Variants in AGMO observed in about 807,000 individuals in gnomAD.
The protein encoded by AGMO is glyceryl-ether monooxygenase.
A neutral mutation model predicts 60.2 loss-of-function variants in AGMO; 75 were observed. The ratio of observed to expected loss-of-function variants is 1.25; its 90% CI spans 1.03 to 1.51. The LOEUF (loss-of-function observed/expected upper bound fraction) is 1.51, where lower values mean the gene tolerates loss of function less well. AGMO is among the 40% of genes most tolerant of loss of function. AGMO has a pLI of 0.00. For synonymous variants in AGMO, 261 were observed against 177.1 expected (o/e 1.47, Z -3.76); for missense variants, 763 against 525.5 (o/e 1.45, Z -4.42).
Position 15,401,770 on chromosome 7 carries a change from A to G in AGMO, c.610-7591T>C, listed in dbSNP as rs189071857. Among the ~76,000 whole-genome samples the G allele has an allele frequency of 2.1e-4, 32 of 152,264 alleles. No individual in the cohort carries two copies. The East Asian group carries it at 3.5e-3, about 17-fold the overall frequency. On this transcript the variant is annotated intron_variant, in intron 5 of 12. Coordinates refer to ENST00000342526, the MANE Select transcript of AGMO (RefSeq NM_001004320.2). ...CATAATAGGGAAAATATATCCTAAA[A>G]AGCATGTGTTTTACAGAACCCTCTT...
At chr7:15,177,922 T>C in the AGMO span, among the ~76,000 whole-genome samples, 1 of 152,154 alleles carries the variant, frequency 6.6e-6, no homozygotes, top group Non-Finnish European at 1.5e-5. Context: ...CATATGTCTC[T>C]CAATAAAAAA....
chr7:15,244,322 T>C (rs1274475244), intron 12 of AGMO, among the ~76,000 whole-genome samples: 1 of 152,150 alleles, frequency 6.6e-6, no homozygotes, highest in Non-Finnish European at 1.5e-5. Context: ...TGATTCATTG[T>C]TGATTGTTTA....
the AGMO span, among the ~76,000 whole-genome samples, chr7:15,158,508 C>T: frequency 6.6e-6 from 1 of 152,186 alleles, no homozygotes; most frequent in African/African-American, 2.4e-5. Flanking sequence ...TTGCTCATTA[C>T]TCATTTGGTT....
chr7:15,375,156 ATTATC>A (rs1783396541), intron 10 of AGMO, among the ~76,000 whole-genome samples: 1 of 151,982 alleles, frequency 6.6e-6, no homozygotes, highest in African/African-American at 2.4e-5. Context: ...TTGTTAACAT[ATTATC>A]TTTTTTGAAT....
intron 3 of AGMO, among the ~76,000 whole-genome samples, chr7:15,508,536 T>C (rs1156439681): frequency 5.9e-5 from 9 of 152,076 alleles, no homozygotes; most frequent in Non-Finnish European, 1.5e-5. Flanking sequence ...AATAAACATA[T>C]GCAGGGAACT....
chr7:15,265,720 G>A (rs1292261558), intron 12 of AGMO, among the ~76,000 whole-genome samples: 3 of 152,078 alleles, frequency 2.0e-5, no homozygotes, highest in Non-Finnish European at 4.4e-5. Flanking sequence ...AACAGTCACT[G>A]TGGAAAATAC....
chr7:15,465,010 C>G (rs1489844383), intron 3 of AGMO, among the ~76,000 whole-genome samples: 1 of 152,240 alleles, frequency 6.6e-6, no homozygotes, highest in Non-Finnish European at 1.5e-5. Context: ...CATGTTCCCA[C>G]GTGTCATTTT....
chr7:15,447,239 C>CT, intron 3 of AGMO, among the ~76,000 whole-genome samples: 1 of 152,130 alleles, frequency 6.6e-6, no homozygotes, highest in East Asian at 1.9e-4. Flanking sequence ...CATCTTGACC[C>CT]TTTTTTCCCA....
chr7:15,472,717 T>C (rs186816882), intron 3 of AGMO, among the ~76,000 whole-genome samples: 33 of 151,960 alleles, frequency 2.2e-4, no homozygotes, highest in Non-Finnish European at 4.4e-4. Flanking sequence ...TAAAGGAACA[T>C]TGTTGTGGTA....
chr7:15,463,064 GAT>G (rs1163436703), intron 3 of AGMO, among the ~76,000 whole-genome samples: 5 of 152,102 alleles, frequency 3.3e-5, no homozygotes, highest in African/African-American at 1.2e-4. Context: ...ACTGGAATAA[GAT>G]ATAAAAATAA....
the AGMO span, among the ~76,000 whole-genome samples, chr7:15,173,788 A>T: frequency 6.6e-6 from 1 of 151,662 alleles, no homozygotes; most frequent in Non-Finnish European, 1.5e-5. Context: ...TTGAAAATTT[A>T]GTTTAAAGAA....
intron 12 of AGMO, among the ~76,000 whole-genome samples, chr7:15,309,186 A>G (rs1583390712): frequency 6.6e-6 from 1 of 152,118 alleles, no homozygotes; most frequent in East Asian, 1.9e-4. Context: ...CTTTGGGGGA[A>G]CATCTTAATT....
At chr7:15,220,497 G>A (rs1583302218) in intron 12 of AGMO, among the ~76,000 whole-genome samples, 1 of 151,626 alleles carries the variant, frequency 6.6e-6, no homozygotes, top group African/African-American at 2.4e-5. Flanking sequence ...GGATTACAGG[G>A]GTGAGCCATC....
At chr7:15,279,836 T>C (rs1783910785) in intron 12 of AGMO, among the ~76,000 whole-genome samples, 1 of 152,182 alleles carries the variant, frequency 6.6e-6, no homozygotes. Flanking sequence ...TACCCAGTGC[T>C]GGAACTGATT....
chr7:15,331,009 C>T (rs538456092), intron 12 of AGMO, among the ~76,000 whole-genome samples: 8 of 152,172 alleles, frequency 5.3e-5, no homozygotes, highest in Non-Finnish European at 1.0e-4. Flanking sequence ...ATTACATTTT[C>T]CCCCTTGGCC....
At chr7:15,278,255 C>A (rs991456723) in intron 12 of AGMO, among the ~76,000 whole-genome samples, 1 of 152,190 alleles carries the variant, frequency 6.6e-6, no homozygotes, top group South Asian at 2.1e-4. Context: ...AGTGACTTTA[C>A]CTTTCAGAAC....
intron 12 of AGMO, among the ~76,000 whole-genome samples, chr7:15,321,238 C>A (rs1278864403): frequency 6.6e-6 from 1 of 152,102 alleles, no homozygotes; most frequent in Non-Finnish European, 1.5e-5. Flanking sequence ...CTGCTATATA[C>A]ACATACATAC....
the AGMO span, among the ~76,000 whole-genome samples, chr7:15,194,432 A>G: frequency 6.6e-6 from 1 of 152,172 alleles, no homozygotes; most frequent in Non-Finnish European, 1.5e-5. Context: ...TAATCTGAAT[A>G]ATGATGCATT....
At chr7:15,126,091 G>A in the AGMO span, among the ~76,000 whole-genome samples, 14 of 152,184 alleles carry the variant, frequency 9.2e-5, no homozygotes, top group South Asian at 2.9e-3. Context: ...TAGGCACACA[G>A]AAGCCTCCTT....
Sources: allele counts gnomAD v4.1 joint callset (sites outside exome capture counted in the v4.1 genomes callset), GRCh38; gene constraint gnomAD v4.1.1; transcripts MANE v1.5; gene names NCBI Gene and HGNC (gene_info 2026-07-23, HGNC 2026-07-21).